Variants in WWOX observed in about 807,000 individuals in gnomAD.
The protein encoded by WWOX is WW domain-containing oxidoreductase.
WWOX carries 69 observed loss-of-function variants against 46.2 expected under a neutral mutation model. The observed-to-expected ratio is 1.49, with a 90% CI of 1.23 to 1.82. The LOEUF is 1.82. Ranked by LOEUF, WWOX falls within the 40% of genes most tolerant of loss-of-function variation. The probability of loss-of-function intolerance (pLI) is 0.00; values close to 1 mark genes in which losing one functional copy is unlikely to be tolerated. For missense variants in WWOX, 919 were observed against 542.6 expected, an observed-to-expected ratio of 1.69 and a Z score of -6.89; for synonymous variants, 359 against 202.6, an observed-to-expected ratio of 1.77 and a Z score of -6.56.
At chr16:78,968,092 C>T (rs367974611) in intron 8 of WWOX, among the ~76,000 whole-genome samples, 19 of 129,248 alleles carry the variant, frequency 1.5e-4, no homozygotes, top group South Asian at 2.7e-4. Context: ...GTGCATGGTC[C>T]GCATGGCACA....
intron 8 of WWOX, among the ~76,000 whole-genome samples, chr16:78,695,428 G>A (rs909311712): frequency 1.3e-5 from 2 of 151,986 alleles, no homozygotes; most frequent in South Asian, 4.2e-4. Context: ...TCTGTGATTC[G>A]GGAGCACATT....
In WWOX at chr16:79,098,261, T is replaced by G. The variant is rs377653431; in HGVS notation, c.1057-113347T>G. Among the ~76,000 whole-genome samples, 6 of 152,156 alleles carry G rather than the reference T, an allele frequency of 3.9e-5. No individual in the cohort carries two copies. In the East Asian group the frequency reaches 7.7e-4, roughly 20 times the overall value. On this transcript the variant is annotated intron_variant, in intron 8 of 8. Transcript: ENST00000566780. Reference sequence around the variant, plus strand: ...GCTCTAAGCAGAGGCACAGTCACATTTGGGGACTCCTTTTATTTAGTAGAG... The same window carrying G: ...GCTCTAAGCAGAGGCACAGTCACATGTGGGGACTCCTTTTATTTAGTAGAG...
intron 8 of WWOX, among the ~76,000 whole-genome samples, chr16:78,753,959 C>T (rs1357973291): frequency 6.7e-6 from 1 of 149,210 alleles, no homozygotes; most frequent in Non-Finnish European, 1.5e-5. Flanking sequence ...TTCTGTCTAA[C>T]ACAATCCAAT....
intron 5 of WWOX, among the ~76,000 whole-genome samples, chr16:78,361,147 G>C (rs894942166): frequency 6.6e-6 from 1 of 151,978 alleles, no homozygotes; most frequent in East Asian, 1.9e-4. Context: ...TTTGATAGTT[G>C]CTTACTTATT....
At chr16:79,174,405 T>G (rs898531257) in intron 8 of WWOX, among the ~76,000 whole-genome samples, 1 of 152,134 alleles carries the variant, frequency 6.6e-6, no homozygotes, top group Non-Finnish European at 1.5e-5. Context: ...TCCCAGCTCT[T>G]TGGGAGGCTG....
intron 6 of WWOX, among the ~76,000 whole-genome samples, chr16:78,387,600 C>T (rs920569400): frequency 2.0e-5 from 3 of 151,944 alleles, no homozygotes; most frequent in African/African-American, 7.3e-5. Flanking sequence ...GGTGGGGAGA[C>T]AGAGAGACAG....
chr16:78,225,661 T>A lies in WWOX; in HGVS notation c.516+61372T>A, dbSNP rs144776878. Among the ~76,000 whole-genome samples the A allele has an allele frequency of 3.9e-4, 59 of 152,304 alleles. 1 individual carries two copies. The East Asian group carries it at 0.011, about 27-fold the overall frequency. On this transcript the variant is annotated intron_variant, in intron 5 of 8. Coordinates refer to ENST00000566780, the MANE Select transcript of WWOX (RefSeq NM_016373.4). ...AAGGATCCAGCTGATTTTCTCCAGA[T>A]GAGTAGTTCATTGTCCCAACACCAG...
chr16:79,152,563 C>T (rs763178480), intron 8 of WWOX, among the ~76,000 whole-genome samples: 15 of 151,358 alleles, frequency 9.9e-5, no homozygotes, highest in Admixed American at 5.9e-4. Flanking sequence ...CTCAGCTACT[C>T]GGGAGGTTGA....
At chr16:78,901,543 A>G (rs991235102) in intron 8 of WWOX, among the ~76,000 whole-genome samples, 1 of 152,042 alleles carries the variant, frequency 6.6e-6, no homozygotes, top group South Asian at 2.1e-4. Context: ...GCTCGAGTAC[A>G]TTGGTAGGAT....
chr16:79,143,069 C>T (rs1184629245), intron 8 of WWOX, among the ~76,000 whole-genome samples: 1 of 152,162 alleles, frequency 6.6e-6, no homozygotes, highest in Non-Finnish European at 1.5e-5. Flanking sequence ...AGAGAACGCT[C>T]ATAGAAGTTT....
intron 8 of WWOX, among the ~76,000 whole-genome samples, chr16:78,480,727 A>G (rs1425371107): frequency 6.6e-6 from 1 of 152,256 alleles, no homozygotes; most frequent in Non-Finnish European, 1.5e-5. Context: ...AGTACATTCC[A>G]AAGTCAGGCT....
intron 8 of WWOX, among the ~76,000 whole-genome samples, chr16:79,161,616 G>A (rs368668047): frequency 3.9e-5 from 6 of 152,086 alleles, no homozygotes; most frequent in African/African-American, 2.4e-5. Flanking sequence ...GCTGTCTCCC[G>A]GATTCAAGCG....
intron 8 of WWOX, among the ~76,000 whole-genome samples, chr16:78,848,469 A>G (rs578141831): frequency 1.3e-5 from 2 of 152,306 alleles, no homozygotes; most frequent in East Asian, 1.9e-4. Context: ...ACACCAAGGA[A>G]GAGAGAGCTC....
chr16:78,206,077 A>G (rs76034523), intron 5 of WWOX, among the ~76,000 whole-genome samples: 17,015 of 151,902 alleles, frequency 0.11, 1,080 homozygotes, highest in East Asian at 0.22. Context: ...GGAAGAAGAG[A>G]AGAAATCAGG....
chr16:78,905,607 C>T (rs769420872), intron 8 of WWOX, among the ~76,000 whole-genome samples: 1 of 152,090 alleles, frequency 6.6e-6, no homozygotes. Context: ...ACTCAAACTC[C>T]GAGATGCACG....
intron 8 of WWOX, among the ~76,000 whole-genome samples, chr16:79,002,674 C>A (rs1014576815): frequency 6.6e-6 from 1 of 152,180 alleles, no homozygotes. Context: ...TTAATCTTCA[C>A]AAGCAAACTG....
intron 8 of WWOX, among the ~76,000 whole-genome samples, chr16:79,104,587 C>T (rs1054403944): frequency 2.6e-5 from 4 of 152,056 alleles, no homozygotes; most frequent in South Asian, 2.1e-4. Context: ...AAAATACGCA[C>T]GAATATTAAG....
intron 8 of WWOX, among the ~76,000 whole-genome samples, chr16:78,693,667 A>G (rs181820538): frequency 4.9e-4 from 75 of 152,228 alleles, no homozygotes; most frequent in Non-Finnish European, 7.8e-4. Context: ...TGACATAACT[A>G]TTGGCATCGA....
intron 8 of WWOX, among the ~76,000 whole-genome samples, chr16:79,059,626 C>G (rs12103020): frequency 0.033 from 4,951 of 152,268 alleles, 247 homozygotes; most frequent in African/African-American, 0.11. Flanking sequence ...TCCCAAGTAG[C>G]TGGGATTATA....
Sources: allele counts gnomAD v4.1 joint callset (sites outside exome capture counted in the v4.1 genomes callset), GRCh38; gene constraint gnomAD v4.1.1; transcripts MANE v1.5; gene names NCBI Gene and HGNC (gene_info 2026-07-23, HGNC 2026-07-21).